PRELID2: variants seen among roughly 807,000 people sequenced by gnomAD.
The protein encoded by PRELID2 is PRELI domain-containing protein 2.
In PRELID2, 25 loss-of-function variants were observed where a neutral mutation model predicts 28.4. That is an observed-to-expected ratio of 0.88 (90% CI 0.64 to 1.23). PRELID2 has a LOEUF of 1.23. PRELID2 is among the 50% of genes most tolerant of loss of function. PRELID2 has a pLI of 0.00. For missense variants in PRELID2, 201 were observed against 214.4 expected (o/e 0.94, Z 0.39); for synonymous variants, 76 against 71.6 (o/e 1.06, Z -0.31).
chr5:145,404,684 C>T, the PRELID2 span, among the ~76,000 whole-genome samples: 8 of 152,102 alleles, frequency 5.3e-5, no homozygotes, highest in African/African-American at 1.9e-4. Flanking sequence ...TTTCACAAGG[C>T]TGGGGTGAAG....
intron 4 of PRELID2, among the ~76,000 whole-genome samples, chr5:145,809,582 C>T (rs534481325): frequency 6.6e-6 from 1 of 152,344 alleles, no homozygotes; most frequent in East Asian, 1.9e-4. Context: ...CCACTGTGCC[C>T]AGCCTGGCTG....
intron 4 of PRELID2, among the ~76,000 whole-genome samples, chr5:145,805,992 C>T (rs138351921): frequency 1.3e-5 from 2 of 152,270 alleles, no homozygotes; most frequent in African/African-American, 4.8e-5. Flanking sequence ...ATGGAGCCTG[C>T]AGTACCGAGG....
intron 1 of PRELID2, among the ~76,000 whole-genome samples, chr5:145,663,625 C>T (rs1754534696): frequency 6.6e-6 from 1 of 152,102 alleles, no homozygotes; most frequent in South Asian, 2.1e-4. Context: ...TCTAACTTGT[C>T]TCCATTAATA....
At chr5:145,553,357 G>A (rs570913402) in intron 1 of PRELID2, among the ~76,000 whole-genome samples, 1 of 152,252 alleles carries the variant, frequency 6.6e-6, no homozygotes, top group South Asian at 2.1e-4. Context: ...AGGCGGTTCA[G>A]TGTGACTTCT....
At chr5:145,555,519 TC>T (rs1398337341) in intron 1 of PRELID2, among the ~76,000 whole-genome samples, 1 of 152,210 alleles carries the variant, frequency 6.6e-6, no homozygotes, top group African/African-American at 2.4e-5. Flanking sequence ...TCTTCCCTGT[TC>T]ATAACCCCTA....
chr5:145,334,109 T>A, the PRELID2 span, among the ~76,000 whole-genome samples: 6 of 152,124 alleles, frequency 3.9e-5, no homozygotes, highest in Middle Eastern at 3.2e-3. Context: ...GCATCCACTG[T>A]CTAACCAGTC....
chr5:145,566,518 CA>C (rs1477013672), intron 1 of PRELID2, among the ~76,000 whole-genome samples: 1 of 151,964 alleles, frequency 6.6e-6, no homozygotes, highest in Non-Finnish European at 1.5e-5. Context: ...AGAAAAGATA[CA>C]AGGAGAATAA....
chr5:145,388,099 G>T, the PRELID2 span, among the ~76,000 whole-genome samples: 1 of 152,052 alleles, frequency 6.6e-6, no homozygotes, highest in Non-Finnish European at 1.5e-5. Flanking sequence ...GATGAGGATG[G>T]TAGAAACATT....
chr5:145,568,827 G>T (rs1423459986), intron 1 of PRELID2, among the ~76,000 whole-genome samples: 1 of 152,206 alleles, frequency 6.6e-6, no homozygotes, highest in Non-Finnish European at 1.5e-5. Context: ...AAGGCATCAG[G>T]TTACTGGGAA....
At chr5:145,768,002 G>A (rs1757871097) in intron 5 of PRELID2, among the ~76,000 whole-genome samples, 1 of 152,032 alleles carries the variant, frequency 6.6e-6, no homozygotes, top group Non-Finnish European at 1.5e-5. Context: ...CGAGGCAGGT[G>A]GATCACGAGG....
intron 4 of PRELID2, among the ~76,000 whole-genome samples, chr5:145,799,270 CA>C (rs1334076589): frequency 6.8e-6 from 1 of 148,036 alleles, no homozygotes; most frequent in Non-Finnish European, 1.5e-5. Flanking sequence ...CTACATCCAG[CA>C]AAACTATCCT....
At chr5:145,810,813 C>G (rs1372652023) in intron 4 of PRELID2, among the ~76,000 whole-genome samples, 1 of 152,090 alleles carries the variant, frequency 6.6e-6, no homozygotes, top group African/African-American at 2.4e-5. Flanking sequence ...TCACTCCCAT[C>G]ATACAGATGA....
intron 1 of PRELID2, among the ~76,000 whole-genome samples, chr5:145,628,411 C>G (rs1245717730): frequency 6.6e-6 from 1 of 152,140 alleles, no homozygotes; most frequent in Admixed American, 6.6e-5. Context: ...GCAACCTCCA[C>G]CTCCCGGGTT....
intron 1 of PRELID2, among the ~76,000 whole-genome samples, chr5:145,833,033 T>A (rs1755708140): frequency 6.6e-6 from 1 of 152,234 alleles, no homozygotes; most frequent in East Asian, 1.9e-4. Flanking sequence ...CTACACACCA[T>A]CAGTTCCATG....
intron 1 of PRELID2, among the ~76,000 whole-genome samples, chr5:145,479,182 C>T (rs1281354774): frequency 6.6e-6 from 1 of 152,180 alleles, no homozygotes; most frequent in Non-Finnish European, 1.5e-5. Context: ...CTTTCCCTTG[C>T]TCTCTGATCC....
At chr5:145,409,084 A>T in the PRELID2 span, among the ~76,000 whole-genome samples, 2 of 152,172 alleles carry the variant, frequency 1.3e-5, no homozygotes, top group Non-Finnish European at 2.9e-5. Context: ...TAAAGAAAAT[A>T]ATTGTCAGCC....
intron 4 of PRELID2, among the ~76,000 whole-genome samples, chr5:145,812,643 T>C (rs1029054313): frequency 9.3e-4 from 2 of 2,152 alleles, no homozygotes; most frequent in Non-Finnish European, 1.5e-3. Flanking sequence ...GCTGGTATTG[T>C]CTGAGTCAGG....
chr5:145,477,133 A>T (rs1752109524), intron 1 of PRELID2, among the ~76,000 whole-genome samples: 1 of 152,224 alleles, frequency 6.6e-6, no homozygotes, highest in African/African-American at 2.4e-5. Context: ...ATCTACCTCC[A>T]ACTCAAAGAG....
At chr5:145,354,727 G>A in the PRELID2 span, among the ~76,000 whole-genome samples, 1 of 152,116 alleles carries the variant, frequency 6.6e-6, no homozygotes, top group Non-Finnish European at 1.5e-5. Flanking sequence ...TTGTCCCAAA[G>A]TATGTCAGAG....
Sources: gnomAD v4.1 joint callset for allele counts (sites outside exome capture counted in the v4.1 genomes callset) on GRCh38, gnomAD v4.1.1 for gene constraint, MANE v1.5 for transcripts, NCBI Gene and HGNC (gene_info 2026-07-23, HGNC 2026-07-21) for gene names.